The following SGCZ variants were observed in gnomAD, a reference collection of about 807,000 sequenced individuals.
SGCZ encodes the protein zeta-sarcoglycan.
SGCZ carries 40 observed loss-of-function variants against 41.3 expected under a neutral mutation model. That is an observed-to-expected ratio of 0.97 (90% confidence interval 0.75 to 1.26). The LOEUF (loss-of-function observed/expected upper bound fraction) is 1.26. SGCZ is among the 50% of genes most tolerant of loss of function. The pLI is 0.00. For synonymous variants in SGCZ, 206 were observed against 137.5 expected, an observed-to-expected ratio of 1.50 and a Z score of -3.49; for missense variants, 552 against 369.8, an observed-to-expected ratio of 1.49 and a Z score of -4.04.
At chr8:14,867,603 G>A (rs774807303) in intron 1 of SGCZ, among the ~76,000 whole-genome samples, 5 of 151,926 alleles carry the variant, frequency 3.3e-5, no homozygotes, top group Admixed American at 1.3e-4. Context: ...CCACAACCTC[G>A]CCAGCATCTG....
chr8:14,784,560 G>T (rs1350489990), intron 1 of SGCZ, among the ~76,000 whole-genome samples: 1 of 151,890 alleles, frequency 6.6e-6, no homozygotes, highest in Non-Finnish European at 1.5e-5. Context: ...GTTTTCTTCA[G>T]ATCTGCCATA....
chr8:14,423,003 G>C (rs566327572), intron 2 of SGCZ, among the ~76,000 whole-genome samples: 1 of 152,228 alleles, frequency 6.6e-6, no homozygotes, highest in Non-Finnish European at 1.5e-5. Flanking sequence ...ACTCCAGCCT[G>C]GGCAACAGTG....
intron 3 of SGCZ, among the ~76,000 whole-genome samples, chr8:14,266,891 G>A (rs58075300): frequency 6.6e-6 from 1 of 152,088 alleles, no homozygotes; most frequent in African/African-American, 2.4e-5. Flanking sequence ...AAATGGAGTA[G>A]AGGAACTATT....
chr8:14,733,662 T>G (rs1798939340), intron 1 of SGCZ, among the ~76,000 whole-genome samples: 1 of 152,162 alleles, frequency 6.6e-6, no homozygotes, highest in African/African-American at 2.4e-5. Flanking sequence ...AATTACAACT[T>G]GTTGTCAAAT....
At chr8:14,972,048 A>T (rs1801316808) in intron 1 of SGCZ, among the ~76,000 whole-genome samples, 1 of 152,176 alleles carries the variant, frequency 6.6e-6, no homozygotes, top group African/African-American at 2.4e-5. Context: ...CTGGCTTCAT[A>T]GAATGAGTTG....
At chr8:15,117,871 T>C (rs1318557496) in intron 1 of SGCZ, among the ~76,000 whole-genome samples, 1 of 152,188 alleles carries the variant, frequency 6.6e-6, no homozygotes, top group East Asian at 1.9e-4. Flanking sequence ...ATGCAAAAAC[T>C]CAATATACAT....
At chr8:15,130,597 G>C (rs1585594542) in intron 1 of SGCZ, among the ~76,000 whole-genome samples, 1 of 152,248 alleles carries the variant, frequency 6.6e-6, no homozygotes, top group East Asian at 1.9e-4. Context: ...TGTCACTTCA[G>C]TTAAATTATC....
At chr8:14,287,031 C>A (rs762866671) in intron 3 of SGCZ, among the ~76,000 whole-genome samples, 6 of 151,786 alleles carry the variant, frequency 4.0e-5, no homozygotes, top group African/African-American at 1.2e-4. Context: ...TCTGTGATTT[C>A]TTTGTAAACC....
At chr8:14,508,050 C>T (rs1802360821) in intron 2 of SGCZ, among the ~76,000 whole-genome samples, 1 of 152,086 alleles carries the variant, frequency 6.6e-6, no homozygotes, top group Admixed American at 6.6e-5. Flanking sequence ...GGATTACCGG[C>T]GTGAGTCACT....
At chr8:14,765,637 C>A (rs1475526554) in intron 1 of SGCZ, among the ~76,000 whole-genome samples, 1 of 152,116 alleles carries the variant, frequency 6.6e-6, no homozygotes, top group Non-Finnish European at 1.5e-5. Context: ...TAAAGATACA[C>A]ATAAAACTAT....
chr8:14,232,851 A>T (rs908900601), intron 4 of SGCZ, among the ~76,000 whole-genome samples: 3 of 152,086 alleles, frequency 2.0e-5, no homozygotes, highest in African/African-American at 7.2e-5. Flanking sequence ...ACAAGATCCT[A>T]TTTAAAGCAT....
chr8:14,361,773 G>C (rs779648854), intron 2 of SGCZ, among the ~76,000 whole-genome samples: 2 of 152,152 alleles, frequency 1.3e-5, no homozygotes, highest in South Asian at 2.1e-4. Context: ...CCGGTTTTTG[G>C]AATTTTCAGC....
intron 2 of SGCZ, among the ~76,000 whole-genome samples, chr8:14,510,418 C>G (rs979293631): frequency 2.0e-5 from 3 of 151,526 alleles, no homozygotes; most frequent in Admixed American, 6.6e-5. Context: ...AAATCTATTA[C>G]TATAAAACCT....
intron 1 of SGCZ, among the ~76,000 whole-genome samples, chr8:15,203,771 C>G (rs574826481): frequency 6.6e-6 from 1 of 152,144 alleles, no homozygotes; most frequent in South Asian, 2.1e-4. Context: ...CAATAACCTC[C>G]TTGTCCATCA....
intron 4 of SGCZ, among the ~76,000 whole-genome samples, chr8:14,178,264 T>C (rs951735806): frequency 6.6e-6 from 1 of 152,184 alleles, no homozygotes; most frequent in African/African-American, 2.4e-5. Context: ...GATTTTGTTT[T>C]TCTTATACAG....
At chr8:15,033,381 G>C (rs1332156427) in intron 1 of SGCZ, among the ~76,000 whole-genome samples, 1 of 151,588 alleles carries the variant, frequency 6.6e-6, no homozygotes, top group East Asian at 2.0e-4. Flanking sequence ...CCAGGCTCCA[G>C]ACTAGCCCCT....
chr8:14,213,290 T>C (rs1221043967), intron 4 of SGCZ, among the ~76,000 whole-genome samples: 1 of 151,998 alleles, frequency 6.6e-6, no homozygotes, highest in African/African-American at 2.4e-5. Flanking sequence ...CAAAAATTCC[T>C]GAAAGCAATT....
chr8:14,439,186 T>C (rs543091461), intron 2 of SGCZ, among the ~76,000 whole-genome samples: 1 of 151,902 alleles, frequency 6.6e-6, no homozygotes, highest in Non-Finnish European at 1.5e-5. Flanking sequence ...AGAAAATGCA[T>C]TTAAAAATAC....
chr8:14,252,614 A>T (rs1236877955), intron 3 of SGCZ, among the ~76,000 whole-genome samples: 1 of 152,140 alleles, frequency 6.6e-6, no homozygotes, highest in Non-Finnish European at 1.5e-5. Flanking sequence ...CTTCTAGAGA[A>T]AGTTTGTATT....
Sources: allele counts gnomAD v4.1 joint callset (sites outside exome capture counted in the v4.1 genomes callset), GRCh38; gene constraint gnomAD v4.1.1; transcripts MANE v1.5; gene names NCBI Gene and HGNC (gene_info 2026-07-23, HGNC 2026-07-21).